Variants in SSPN observed in about 807,000 individuals in gnomAD.
SSPN encodes K-ras oncogene-associated protein.
Under a neutral mutation model 19.1 loss-of-function variants are expected in SSPN, and 15 were observed. The observed-to-expected ratio is 0.78, with a 90% CI of 0.52 to 1.21. The LOEUF (loss-of-function observed/expected upper bound fraction) is 1.21. Among genes scored for constraint, SSPN ranks in the 50% most tolerant of loss-of-function variants. The pLI is 0.00. For synonymous variants in SSPN, 147 were observed against 140.3 expected (o/e 1.05, Z -0.34); for missense variants, 291 against 314.0 (o/e 0.93, Z 0.55).
At chr12:26,142,525 G>A (rs1944466804) in intron 1 of SSPN, among the ~76,000 whole-genome samples, 1 of 152,158 alleles carries the variant, frequency 6.6e-6, no homozygotes, top group Non-Finnish European at 1.5e-5. Flanking sequence ...TAAGAATAAG[G>A]AATATGGGAG....
In SSPN at chr12:26,124,213, A is replaced by T. The variant is rs538519595; in HGVS notation, c.-31+2061A>T. 5 of 1,399,622 alleles carry T rather than the reference A, an allele frequency of 3.6e-6. No individual in the cohort carries two copies. The South Asian group carries it at 4.6e-5, about 13-fold the overall frequency. The allele number at this position is 1,399,622 out of a possible 1,614,324, so 86.7% of individuals were successfully genotyped here. A position where few individuals can be genotyped will look rare whatever the true frequency, so the allele number is the denominator to read the frequency against. ...ATGAGAGTCATGGAAAAGAGAAAAC[A>T]GTAAGCGAAACATTCACTTATTGGA... On this transcript the variant is annotated intron_variant, in intron 1 of 2. Transcript: ENST00000538142.
At chr12:26,158,686 G>T (rs927390483) in intron 1 of SSPN, among the ~76,000 whole-genome samples, 3 of 152,262 alleles carry the variant, frequency 2.0e-5, no homozygotes, top group African/African-American at 7.2e-5. Context: ...CACAGCTGAG[G>T]TGCCTCAGGG....
At chr12:26,194,572 G>T (rs971392723), upstream of SSPN, among the ~76,000 whole-genome samples, 26 of 152,228 alleles carry the variant, frequency 1.7e-4, no homozygotes, top group African/African-American at 6.3e-4. Context: ...TTTTAGTGGA[G>T]ACGGGGTTTC....
At chr12:26,122,662 G>A (rs1356822492) in intron 1 of SSPN, 1 of 1,404,392 alleles carries the variant, frequency 7.1e-7, no homozygotes, top group Non-Finnish European at 9.3e-7. Flanking sequence ...CCGCCGCCGC[G>A]GGAATCCAGC....
chr12:26,174,503 C>CCTTCCTT (rs75173753), intron 1 of SSPN, among the ~76,000 whole-genome samples: 9 of 124,288 alleles, frequency 7.2e-5, no homozygotes, highest in African/African-American at 2.5e-4. Context: ...TTCCTTCCTT[C>CCTTCCTT]CCTTCCTTCC....
chr12:26,212,698 CA>C (rs1945002832), intron 1 of SSPN, among the ~76,000 whole-genome samples: 1 of 151,292 alleles, frequency 6.6e-6, no homozygotes, highest in Admixed American at 6.6e-5. Context: ...ATACCTAAGA[CA>C]AATGAAAAGG....
intron 1 of SSPN, among the ~76,000 whole-genome samples, chr12:26,128,899 C>T (rs978352411): frequency 3.3e-5 from 5 of 152,138 alleles, no homozygotes; most frequent in African/African-American, 1.2e-4. Context: ...CCAATTCTCC[C>T]CCCTGCCTAA....
chr12:26,148,799 C>T lies in SSPN; in HGVS notation c.-31+26647C>T, dbSNP rs77447194. Reference sequence around the variant, plus strand: ...GTCTTGAAAATAAATGAAGATGTTACGAGAATTACAGTGGACAAAATGCTG... The same window carrying T: ...GTCTTGAAAATAAATGAAGATGTTATGAGAATTACAGTGGACAAAATGCTG... On this transcript the variant is annotated intron_variant, in intron 1 of 2. Transcript: ENST00000538142. Among the ~76,000 whole-genome samples the T allele has an allele frequency of 1.9e-3, 286 of 152,168 alleles. 2 individuals are homozygous for T. Among genetic ancestry groups the T allele is most frequent in the African/African-American group, 6.7e-3 (277 of 41,520 alleles).
chr12:26,195,604 C>G lies in SSPN; in HGVS notation c.-69C>G. On this transcript the variant is annotated 5_prime_UTR_variant, in exon 1 of 3. Coordinates refer to ENST00000242729, the MANE Select transcript of SSPN (RefSeq NM_005086.5). The stretch of plus-strand genomic sequence containing the variant: ...CGAATACCAGGGCAGGCCGAGCCAG[C>G]CGTGCGCCGCGCTCCAGGGCCCAGG... 1 of 1,342,478 alleles carries G rather than the reference C, an allele frequency of 7.4e-7. No individual in the cohort carries two copies. Among genetic ancestry groups the G allele is most frequent in the Non-Finnish European group, 9.5e-7 (1 of 1,053,788 alleles). The allele number at this position is 1,342,478 out of a possible 1,614,324, so 83.2% of individuals were successfully genotyped here.
intron 1 of SSPN, among the ~76,000 whole-genome samples, chr12:26,138,350 T>C (rs1291114172): frequency 6.6e-6 from 1 of 152,174 alleles, no homozygotes; most frequent in African/African-American, 2.4e-5. Context: ...AAAAACAAAT[T>C]TTTGATTTTG....
chr12:26,198,700 T>C (rs1944852211), intron 1 of SSPN, among the ~76,000 whole-genome samples: 1 of 152,222 alleles, frequency 6.6e-6, no homozygotes, highest in Non-Finnish European at 1.5e-5. Context: ...CTCACCTTTC[T>C]CTGTTCTCAG....
chr12:26,229,793 C>T (rs148298306), intron 2 of SSPN, among the ~76,000 whole-genome samples: 9 of 152,296 alleles, frequency 5.9e-5, no homozygotes, highest in African/African-American at 1.7e-4. Flanking sequence ...TTAAGATTAA[C>T]ATTTCTAGTA....
rs777790719 is a variant in SSPN at position 26,224,396 on chromosome 12, C to G, written c.366+17C>G. On this transcript the variant is annotated intron_variant, in intron 2 of 2. Coordinates refer to ENST00000242729, the MANE Select transcript of SSPN (RefSeq NM_005086.5). ...TCTATGAAAGTAAGTTGTGATTGTT[C>G]TTTCTCTTTTATCATCACATAGAAA... is the stretch of plus-strand genomic sequence containing the variant. The G allele has an allele frequency of 1.9e-6, 3 of 1,582,186 alleles. No individual in the cohort carries two copies. The highest frequency in any genetic ancestry group is 1.7e-5 in the Admixed American group (1 of 59,926).
intron 1 of SSPN, chr12:26,180,647 A>C (rs1944712920): frequency 1.3e-5 from 2 of 152,248 alleles, no homozygotes; most frequent in African/African-American, 4.8e-5. Flanking sequence ...GGAACTAAGC[A>C]GTTTTTTAGT....
intron 1 of SSPN, among the ~76,000 whole-genome samples, chr12:26,145,359 C>G (rs756058567): frequency 3.9e-5 from 6 of 152,172 alleles, no homozygotes; most frequent in Non-Finnish European, 7.3e-5. Flanking sequence ...GGCACTTGGT[C>G]AATCACTGTG....
chr12:26,233,131 A>G lies in SSPN; in HGVS notation c.*2055A>G, dbSNP rs957800756. The G allele has an allele frequency of 2.0e-5, 3 of 152,174 alleles. No individual in the cohort carries two copies. Among genetic ancestry groups the G allele is most frequent in the African/African-American group, 4.8e-5 (2 of 41,544 alleles). The allele number at this position is 152,174 out of a possible 1,614,324, so 9.4% of individuals were successfully genotyped here. On this transcript the variant is annotated 3_prime_UTR_variant, in exon 3 of 3. Transcript: ENST00000242729. This position sits in a 1 kb window ranked among gnomAD's most constrained non-coding sequence, Gnocchi z 4.3. ...CATCCCGAATTTCTTTAACAACAACATTTTATAGTGAACACTACAAGTTTT... is the reference window on the plus strand; with the variant it reads ...CATCCCGAATTTCTTTAACAACAACGTTTTATAGTGAACACTACAAGTTTT...
intron 1 of SSPN, among the ~76,000 whole-genome samples, chr12:26,197,325 A>T (rs1944838869): frequency 6.6e-6 from 1 of 152,230 alleles, no homozygotes; most frequent in African/African-American, 2.4e-5. Context: ...TAATTTTTGT[A>T]CTAAGAATTC....
chr12:26,143,439 C>T (rs1944472113), intron 1 of SSPN, among the ~76,000 whole-genome samples: 1 of 152,138 alleles, frequency 6.6e-6, no homozygotes, highest in South Asian at 2.1e-4. Context: ...AGATAGGAAT[C>T]TCAGAGAGGC....
chr12:26,122,827 G>A (rs1384047302), intron 1 of SSPN: 17 of 1,583,558 alleles, frequency 1.1e-5, no homozygotes, highest in Non-Finnish European at 1.5e-5. Context: ...TCGGCGGCGA[G>A]CTCGGCGCTG....
Sources: gnomAD v4.1 joint callset for allele counts (sites outside exome capture counted in the v4.1 genomes callset) on GRCh38, gnomAD v4.1.1 for gene constraint, Gnocchi (gnomAD v3.1) non-coding constraint, MANE v1.5 for transcripts, NCBI Gene and HGNC (gene_info 2026-07-23, HGNC 2026-07-21) for gene names.